The following CPA6 variants were observed in gnomAD, a reference collection of about 807,000 sequenced individuals.
The protein encoded by CPA6 is carboxypeptidase A6, also known as carboxypeptidase B.
Under a neutral mutation model 63.3 loss-of-function variants are expected in CPA6, and 58 were observed. That is an observed-to-expected ratio of 0.92 (90% CI 0.74 to 1.14). The LOEUF is 1.14. Ranked by LOEUF, CPA6 falls within the 50% of genes most tolerant of loss-of-function variation. The pLI is 0.00. For synonymous variants in CPA6, 185 were observed against 179.0 expected, an observed-to-expected ratio of 1.03 and a Z score of -0.27; for missense variants, 565 against 526.6, an observed-to-expected ratio of 1.07 and a Z score of -0.71.
intron 10 of CPA6, among the ~76,000 whole-genome samples, chr8:67,425,165 G>A (rs1809856027): frequency 6.6e-6 from 1 of 152,188 alleles, no homozygotes; most frequent in Non-Finnish European, 1.5e-5. Context: ...GTAGTTTTTA[G>A]TCTAACAGGC....
intron 2 of CPA6, among the ~76,000 whole-genome samples, chr8:67,524,531 GTCTTC>G (rs1812322808): frequency 6.6e-6 from 1 of 151,970 alleles, no homozygotes; most frequent in Admixed American, 6.6e-5. Flanking sequence ...TCTTCCCATG[GTCTTC>G]TCTTCTGTGT....
At position 67,691,857 on chromosome 8, in the gene CPA6, AT is replaced by A. The variant is rs368891214; in HGVS notation, c.116+54156del. ...AAGGGGGATAGTGCTTGGAAGTGTTATTTGTTTGAGACCAAAACATGAATCA... is the reference window on the plus strand; with the variant it reads ...AAGGGGGATAGTGCTTGGAAGTGTTATTGTTTGAGACCAAAACATGAATCA... On this transcript the variant is annotated intron_variant, in intron 1 of 10. Transcript: ENST00000297770. Among the ~76,000 whole-genome samples the A allele has an allele frequency of 2.9e-3, 447 of 152,112 alleles. 2 individuals are homozygous for A. The highest frequency in any genetic ancestry group is 0.01 in the African/African-American group (428 of 41,428).
chr8:67,572,801 T>C (rs1813518550), intron 2 of CPA6, among the ~76,000 whole-genome samples: 1 of 152,206 alleles, frequency 6.6e-6, no homozygotes, highest in Admixed American at 6.5e-5. Context: ...AGCAATAACC[T>C]GACACCAAGG....
intron 1 of CPA6, among the ~76,000 whole-genome samples, chr8:67,689,696 T>A (rs1052209521): frequency 3.3e-5 from 5 of 152,214 alleles, no homozygotes; most frequent in Admixed American, 6.5e-5. Context: ...CAAGCTTGAG[T>A]ACATGTCTTT....
At chr8:67,534,809 C>T (rs781055541) in intron 2 of CPA6, among the ~76,000 whole-genome samples, 4 of 152,070 alleles carry the variant, frequency 2.6e-5, no homozygotes, top group Non-Finnish European at 2.9e-5. Context: ...TGGTGGTTTC[C>T]TGCACCCATC....
At chr8:67,563,975 T>C (rs539053120) in intron 2 of CPA6, among the ~76,000 whole-genome samples, 4 of 152,296 alleles carry the variant, frequency 2.6e-5, no homozygotes, top group Middle Eastern at 3.4e-3. Context: ...GGTTTCAATA[T>C]GGAAGAACAT....
At position 67,455,458 on chromosome 8, in the gene CPA6, T is replaced by A. The variant is rs573401068; in HGVS notation, c.839-21218A>T. 2.0e-5 allele frequency among the ~76,000 whole-genome samples: 3 copies of A among 152,156 alleles called. No homozygotes were observed. The South Asian group carries it at 6.2e-4, about 32-fold the overall frequency. Reference sequence around the variant, plus strand: ...AAATAACTCTTACTTTACTCTAATATACTTTTGTAAAGAAGAAGATAAAAA... The same window carrying A: ...AAATAACTCTTACTTTACTCTAATAAACTTTTGTAAAGAAGAAGATAAAAA... On this transcript the variant is annotated intron_variant, in intron 8 of 10. Coordinates refer to ENST00000297770, the MANE Select transcript of CPA6 (RefSeq NM_020361.5).
At chr8:67,729,130 C>T (rs1817659077) in intron 1 of CPA6, among the ~76,000 whole-genome samples, 1 of 152,140 alleles carries the variant, frequency 6.6e-6, no homozygotes. Context: ...ACCTGGAAGC[C>T]CATTAGAAAT....
chr8:67,478,209 C>G (rs11779486), intron 8 of CPA6, among the ~76,000 whole-genome samples: 1 of 151,698 alleles, frequency 6.6e-6, no homozygotes, highest in South Asian at 2.1e-4. Context: ...CCGAGAGCTC[C>G]GGATAGCTGG....
chr8:67,704,868 C>T (rs999713392), intron 1 of CPA6, among the ~76,000 whole-genome samples: 1 of 152,174 alleles, frequency 6.6e-6, no homozygotes, highest in African/African-American at 2.4e-5. Context: ...ACATAACATG[C>T]TCCTTGGATG....
At chr8:67,657,058 A>G (rs1040768418) in intron 1 of CPA6, among the ~76,000 whole-genome samples, 3 of 152,204 alleles carry the variant, frequency 2.0e-5, no homozygotes, top group African/African-American at 7.2e-5. Flanking sequence ...TATTTTGCTT[A>G]AACACATGGT....
intron 2 of CPA6, among the ~76,000 whole-genome samples, chr8:67,531,201 G>T (rs372568396): frequency 1.3e-5 from 2 of 151,834 alleles, no homozygotes; most frequent in South Asian, 2.1e-4. Context: ...ACAGGGGAAG[G>T]GTAAAGGGAC....
intron 1 of CPA6, among the ~76,000 whole-genome samples, chr8:67,701,234 T>C (rs1817018382): frequency 6.6e-6 from 1 of 152,164 alleles, no homozygotes; most frequent in African/African-American, 2.4e-5. Context: ...GCCTGGAACT[T>C]TGCAGCTTCA....
intron 1 of CPA6, among the ~76,000 whole-genome samples, chr8:67,651,566 T>C (rs924394143): frequency 6.6e-6 from 1 of 152,138 alleles, no homozygotes; most frequent in African/African-American, 2.4e-5. Flanking sequence ...AGTATTAGCC[T>C]CATGAATCAT....
chr8:67,723,165 T>A (rs1817533854), intron 1 of CPA6, among the ~76,000 whole-genome samples: 1 of 152,204 alleles, frequency 6.6e-6, no homozygotes, highest in African/African-American at 2.4e-5. Context: ...ATTTTTCTAT[T>A]GTTCCCGTAC....
chr8:67,521,994 A>C (rs1812267183), intron 2 of CPA6, among the ~76,000 whole-genome samples: 1 of 152,144 alleles, frequency 6.6e-6, no homozygotes, highest in Non-Finnish European at 1.5e-5. Flanking sequence ...GTTAGTAGTG[A>C]TAGCGGCAGG....
At chr8:67,715,196 C>T (rs1817352399) in intron 1 of CPA6, among the ~76,000 whole-genome samples, 1 of 152,164 alleles carries the variant, frequency 6.6e-6, no homozygotes, top group South Asian at 2.1e-4. Flanking sequence ...TTAGCTCAGA[C>T]CCTGCCACAG....
chr8:67,607,250 T>TTCTTCTTCTTCTTCTTCTTCC, intron 2 of CPA6, among the ~76,000 whole-genome samples: 1 of 131,824 alleles, frequency 7.6e-6, no homozygotes, highest in Non-Finnish European at 1.6e-5. Context: ...CTTCTTCTTC[T>TTCTTCTTCTTCTTCTTCTTCC]TCTCCTCCTC....
At chr8:67,736,730 T>C (rs1270054949) in intron 1 of CPA6, among the ~76,000 whole-genome samples, 1 of 152,204 alleles carries the variant, frequency 6.6e-6, no homozygotes, top group African/African-American at 2.4e-5. Context: ...ATCTATTTCA[T>C]AGCCTAGAGG....
Sources: allele counts gnomAD v4.1 joint callset (sites outside exome capture counted in the v4.1 genomes callset), GRCh38; gene constraint gnomAD v4.1.1; transcripts MANE v1.5; gene names NCBI Gene and HGNC (gene_info 2026-07-23, HGNC 2026-07-21).